The following ZNF695 variants were observed in gnomAD, a reference collection of about 807,000 sequenced individuals.
ZNF695 encodes the protein zinc finger protein SBZF3.
In ZNF695, 11 loss-of-function variants were observed where a neutral mutation model predicts 11.2. That is an observed-to-expected ratio of 0.98 (90% CI 0.62 to 1.62). The LOEUF is 1.62. Among genes scored for constraint, ZNF695 ranks in the 40% most tolerant of loss-of-function variants. The pLI is 0.00. For missense variants in ZNF695, 559 were observed against 590.5 expected (o/e 0.95, Z 0.55); for synonymous variants, 190 against 201.4 (o/e 0.94, Z 0.48).
intron 4 of ZNF695, among the ~76,000 whole-genome samples, chr1:246,972,706 G>T (rs1668457362): frequency 6.6e-6 from 1 of 151,940 alleles, no homozygotes; most frequent in Admixed American, 6.6e-5. Context: ...TTTTAGTAGA[G>T]ACAGGGTTTC....
chr1:246,988,374 T>C, intron 3 of ZNF695, 119 bp from the exon 4 acceptor site: 1 of 704,888 alleles, frequency 1.4e-6, no homozygotes, highest in Non-Finnish European at 2.2e-6. Context: ...CACAGGCCCT[T>C]ATTCCTTCAT....
Position 246,986,757 on chromosome 1 carries a change from G to C in ZNF695, c.*210C>G. On this transcript the variant is annotated 3_prime_UTR_variant, in exon 4 of 4. Transcript: ENST00000339986. ...GTATAAATTCTTCTGTGTACAGTAA[G>C]AGCTGTGATATAAGTGGAGGTGTTG... 1 of 1,303,966 alleles carries C rather than the reference G, an allele frequency of 7.7e-7. No homozygotes were observed. 80.8% of individuals were successfully genotyped at this position (1,303,966 alleles called of 1,614,324 possible).
intron 5 of ZNF695, among the ~76,000 whole-genome samples, chr1:246,961,187 A>G (rs1668154176): frequency 6.6e-6 from 1 of 152,138 alleles, no homozygotes; most frequent in South Asian, 2.1e-4. Context: ...CATCTTTAGC[A>G]TCATCAGTTC....
chr1:246,952,392 C>T (rs1375849619), intron 5 of ZNF695, among the ~76,000 whole-genome samples: 1 of 152,154 alleles, frequency 6.6e-6, no homozygotes, highest in African/African-American at 2.4e-5. Context: ...TTGCAGTTTG[C>T]AAGTTGTTTT....
In ZNF695 at chr1:246,958,224, A is replaced by C. The variant is rs901543736; in HGVS notation, c.488+9471T>G. ...CAGGTGCACACCACCACGCCCGGCT[A>C]ATTTTTTGTATTTTTAGTAGAGACA... On this transcript the variant is annotated intron_variant, in intron 5 of 5. Coordinates refer to the ZNF695 transcript ENST00000487338. 4.0e-5 allele frequency among the ~76,000 whole-genome samples: 6 copies of C among 151,884 alleles called. No homozygotes were observed. In the South Asian group the frequency reaches 1.3e-3, roughly 32 times the overall value.
At chr1:247,004,731 A>G (rs888637930) in intron 1 of ZNF695, among the ~76,000 whole-genome samples, 2 of 152,254 alleles carry the variant, frequency 1.3e-5, no homozygotes, top group Admixed American at 6.5e-5. Flanking sequence ...AAATTTGGTA[A>G]AGTGGTAGGA....
chr1:246,978,305 G>C (rs900068114), intron 4 of ZNF695, among the ~76,000 whole-genome samples: 10 of 152,188 alleles, frequency 6.6e-5, no homozygotes, highest in South Asian at 2.1e-4. Flanking sequence ...TTAAACAGCT[G>C]TCTAATCATT....
chr1:247,007,568 G>C (rs1320105454), intron 1 of ZNF695, among the ~76,000 whole-genome samples: 1 of 151,328 alleles, frequency 6.6e-6, no homozygotes, highest in African/African-American at 2.4e-5. Flanking sequence ...AACCTTTCAC[G>C]GGAGTCGGGA....
At chr1:246,998,998 ATATATATATATATATATAT>A (rs1248802120) in intron 3 of ZNF695, among the ~76,000 whole-genome samples, 2 of 9,718 alleles carry the variant, frequency 2.1e-4, no homozygotes, top group Non-Finnish European at 6.2e-4. Flanking sequence ...ATATATATAT[ATATATATATATATATATAT>A]GAGCATAGAG....
chr1:246,952,589 C>T (rs1172351256), intron 5 of ZNF695, among the ~76,000 whole-genome samples: 4 of 150,132 alleles, frequency 2.7e-5, no homozygotes, highest in African/African-American at 9.8e-5. Context: ...CTCTGTTGCC[C>T]AGGCTGGAGT....
In ZNF695 at chr1:246,986,257, G is replaced by A. The variant is rs1558314555; in HGVS notation, c.*710C>T. Reference sequence around the variant, plus strand: ...CTTTTATTTTACTTTTTGTAGAGATGAGGTTTTGCCATGTTGCCCAGCCTG... The same window carrying A: ...CTTTTATTTTACTTTTTGTAGAGATAAGGTTTTGCCATGTTGCCCAGCCTG... On this transcript the variant is annotated 3_prime_UTR_variant, in exon 4 of 4. Transcript: ENST00000339986. 3.3e-6 allele frequency: 2 copies of A among 601,270 alleles called. No individual in the cohort carries two copies. Among genetic ancestry groups the A allele is most frequent in the East Asian group, 1.4e-4 (1 of 7,052 alleles). 37.2% of individuals were successfully genotyped at this position (601,270 alleles called of 1,614,324 possible).
intron 3 of ZNF695, among the ~76,000 whole-genome samples, chr1:246,995,512 G>T (rs1669175350): frequency 6.6e-6 from 1 of 152,198 alleles, no homozygotes; most frequent in South Asian, 2.1e-4. Context: ...GAACAATGTT[G>T]CAGGTATCAT....
chr1:246,950,146 A>G (rs993624214), intron 5 of ZNF695, among the ~76,000 whole-genome samples: 7 of 152,282 alleles, frequency 4.6e-5, no homozygotes, highest in African/African-American at 1.4e-4. Flanking sequence ...TAAAAGGAGA[A>G]TATGTTTCCC....
intron 3 of ZNF695, among the ~76,000 whole-genome samples, chr1:246,990,008 AG>A (rs1558316492): frequency 7.2e-5 from 4 of 55,180 alleles, no homozygotes; most frequent in Non-Finnish European, 1.1e-4. Context: ...CTTGAAAGGG[AG>A]AAAGGGAGAA....
downstream of ZNF695, among the ~76,000 whole-genome samples, chr1:246,980,706 C>A (rs1334699310): frequency 6.6e-6 from 1 of 152,116 alleles, no homozygotes; most frequent in Admixed American, 6.6e-5. Context: ...GAGTGAGCCA[C>A]CGCACCCGGC....
chr1:247,006,178 T>C (rs1284492976), intron 1 of ZNF695, among the ~76,000 whole-genome samples: 4 of 149,498 alleles, frequency 2.7e-5, no homozygotes, highest in African/African-American at 7.4e-5. Context: ...TGAGCCAAGA[T>C]TGCACCATTG....
chr1:246,946,369 G>A (rs1356547767), intron 5 of ZNF695, among the ~76,000 whole-genome samples: 1 of 152,172 alleles, frequency 6.6e-6, no homozygotes, highest in Non-Finnish European at 1.5e-5. Context: ...TCTGAACCAC[G>A]TGGTCCCTAT....
At chr1:247,004,419 C>T (rs984809500) in intron 1 of ZNF695, among the ~76,000 whole-genome samples, 3 of 151,868 alleles carry the variant, frequency 2.0e-5, no homozygotes, top group Admixed American at 6.6e-5. Flanking sequence ...AAAAAACCCT[C>T]GAAAAACTGA....
Position 246,987,678 on chromosome 1 carries a change from C to T in ZNF695, c.837G>A (p.Leu279=). The change falls in exon 4 of 4, where the codon CTG becomes CTA. Residue 279 remains leucine, a synonymous_variant. Coordinates refer to ENST00000339986, the MANE Select transcript of ZNF695 (RefSeq NM_020394.5). ...RCEECGKAFN[L]CSVLTKHKKI... ...TCTTATGTTTAGTAAGAACTGAGCA[C>T]AGGTTAAAAGCTTTGCCACATTCTT... is the stretch of plus-strand genomic sequence containing the variant. 1 of 1,597,958 alleles carries T rather than the reference C, an allele frequency of 6.3e-7. No individual in the cohort carries two copies. The highest frequency in any genetic ancestry group is 8.5e-7 in the Non-Finnish European group (1 of 1,174,230).
Sources: allele counts gnomAD v4.1 joint callset (sites outside exome capture counted in the v4.1 genomes callset), GRCh38; gene constraint gnomAD v4.1.1; transcripts MANE v1.5; gene names NCBI Gene and HGNC (gene_info 2026-07-23, HGNC 2026-07-21).